The following ROS1 variants were observed in gnomAD, a reference collection of about 807,000 sequenced individuals.
The protein encoded by ROS1 is proto-oncogene tyrosine-protein kinase ROS.
In ROS1, 263 loss-of-function variants were observed where a neutral mutation model predicts 273.5. The ratio of observed to expected loss-of-function variants is 0.96; its 90% CI spans 0.87 to 1.06. ROS1 has a LOEUF of 1.06. Among genes scored for constraint, ROS1 ranks in the 50% least tolerant of loss-of-function variants. ROS1 has a pLI of 0.00. For missense variants in ROS1, 2,833 were observed against 2,751.1 expected (o/e 1.03, Z -0.67); for synonymous variants, 1,008 against 954.1 (o/e 1.06, Z -1.04).
chr6:117,379,309 TTA>T (rs1771923140), intron 17 of ROS1, 150 bp from the exon 18 acceptor site: 2 of 587,942 alleles, frequency 3.4e-6, no homozygotes, highest in African/African-American at 3.7e-5. Flanking sequence ...ACTATAAAAC[TTA>T]TATGATTATG....
At chr6:117,363,466 G>A (rs975128019) in intron 21 of ROS1, among the ~76,000 whole-genome samples, 6 of 152,128 alleles carry the variant, frequency 3.9e-5, no homozygotes, top group African/African-American at 1.4e-4. Context: ...CAAGAGAAAT[G>A]TCTCTGCCTG....
intron 27 of ROS1, among the ~76,000 whole-genome samples, chr6:117,345,638 A>C (rs1198336982): frequency 6.6e-6 from 1 of 152,176 alleles, no homozygotes; most frequent in Non-Finnish European, 1.5e-5. Context: ...ATTAGGGGGT[A>C]AATGTCTAAG....
At chr6:117,335,863 T>TA (rs1191674570) in intron 32 of ROS1, among the ~76,000 whole-genome samples, 1 of 151,584 alleles carries the variant, frequency 6.6e-6, no homozygotes, top group Non-Finnish European at 1.5e-5. Context: ...GGAGGGAACT[T>TA]AGAGGACAGG....
chr6:117,321,096 C>G (rs1270647249), intron 36 of ROS1, 163 bp downstream of exon 36: 2 of 674,488 alleles, frequency 3.0e-6, no homozygotes, highest in South Asian at 7.1e-5. Flanking sequence ...TTCCATCCAT[C>G]CCAGGTCACA....
At position 117,359,898 on chromosome 6, in the gene ROS1, C is replaced by T. The variant is rs749977900; in HGVS notation, c.3544G>A (p.Val1182Ile). 19 of 1,613,850 alleles carry T rather than the reference C, an allele frequency of 1.2e-5. No individual in the cohort carries two copies. The highest frequency in any genetic ancestry group is 4.5e-5 in the East Asian group (2 of 44,862). ...TFSAERVISA[V>I]CYTADNEMGY... ...ATCTCATTATCAGCTGTGTAGCAAA[C>T]GGCACTGATAACTCTTTCTGCTGAA... The change falls in exon 24 of 44, where the codon GTT becomes ATT. Residue 1182 changes from valine to isoleucine, a missense_variant. Val to Ile is a conservative substitution (Grantham distance 29). Transcript: ENST00000368507.
At chr6:117,335,853 G>A (rs1461516935) in intron 32 of ROS1, among the ~76,000 whole-genome samples, 1 of 152,072 alleles carries the variant, frequency 6.6e-6, no homozygotes, top group African/African-American at 2.4e-5. Flanking sequence ...GGAGCTGAGG[G>A]GAGGGAACTT....
At chr6:117,360,740 CA>C (rs1238198073) in intron 22 of ROS1, among the ~76,000 whole-genome samples, 9 of 151,938 alleles carry the variant, frequency 5.9e-5, no homozygotes, top group Admixed American at 1.3e-4. Context: ...GATAATTACA[CA>C]ATGTATACAT....
chr6:117,404,564 C>T lies in ROS1; in HGVS notation c.317-136G>A, dbSNP rs1361180251. 17 of 675,886 alleles carry T rather than the reference C, an allele frequency of 2.5e-5. No homozygotes were observed. The South Asian group carries it at 3.8e-4, about 15-fold the overall frequency. The allele number at this position is 675,886 out of a possible 1,614,324, so 41.9% of individuals were successfully genotyped here. On this transcript the variant is annotated intron_variant, in intron 5 of 43. Coordinates refer to ENST00000368507, the MANE Select transcript of ROS1 (RefSeq NM_001378902.1). ...TGCCACAATAACTCACTTGAATAAT[C>T]AATGGTATGCATATTCAGTTTATTT...
intron 6 of ROS1, among the ~76,000 whole-genome samples, 171 bp downstream of exon 6, chr6:117,404,104 GGGCGC>G (rs1213256376): frequency 6.6e-6 from 1 of 152,148 alleles, no homozygotes; most frequent in African/African-American, 2.4e-5. Context: ...GCGCGATGGC[GGGCGC>G]CTGTGGGCGG....
chr6:117,382,737 T>C (rs554680372), intron 17 of ROS1, among the ~76,000 whole-genome samples: 18 of 152,264 alleles, frequency 1.2e-4, no homozygotes, highest in African/African-American at 4.3e-4. Context: ...TGAGCTTAAC[T>C]ACGGAGCATT....
At chr6:117,399,059 T>C (rs952089711) in intron 7 of ROS1, among the ~76,000 whole-genome samples, 12 of 151,126 alleles carry the variant, frequency 7.9e-5, no homozygotes, top group African/African-American at 2.9e-4. Flanking sequence ...ATTAACACAA[T>C]ACAGATAAGT....
At chr6:117,331,328 A>C (rs772172841) in intron 32 of ROS1, among the ~76,000 whole-genome samples, 1 of 152,240 alleles carries the variant, frequency 6.6e-6, no homozygotes, top group African/African-American at 2.4e-5. Context: ...GCCTCCAAGA[A>C]ATATGAGACT....
chr6:117,423,259 A>T (rs539296136), intron 1 of ROS1, among the ~76,000 whole-genome samples: 28 of 152,266 alleles, frequency 1.8e-4, no homozygotes, highest in African/African-American at 6.3e-4. Context: ...ACCACTAAAG[A>T]ATTTACTCAT....
At chr6:117,293,351 A>G (rs925010070) in intron 43 of ROS1, among the ~76,000 whole-genome samples, 3 of 152,256 alleles carry the variant, frequency 2.0e-5, no homozygotes, top group Non-Finnish European at 4.4e-5. Context: ...TACAGAATCT[A>G]CAGCCCATGA....
chr6:117,388,036 T>C (rs1339517398), intron 13 of ROS1, 44 bp from the exon 14 acceptor site: 1 of 1,611,514 alleles, frequency 6.2e-7, no homozygotes, highest in Admixed American at 1.7e-5. Flanking sequence ...GGATGACATC[T>C]GCAAGGGCAA....
intron 16 of ROS1, among the ~76,000 whole-genome samples, chr6:117,385,448 G>C (rs1200649757): frequency 6.6e-6 from 1 of 152,000 alleles, no homozygotes; most frequent in Non-Finnish European, 1.5e-5. Flanking sequence ...CCAGCTACTC[G>C]GGAGGCAGAG....
chr6:117,412,706 A>C (rs1485622942), intron 4 of ROS1, among the ~76,000 whole-genome samples: 1 of 152,236 alleles, frequency 6.6e-6, no homozygotes, highest in Non-Finnish European at 1.5e-5. Context: ...AAAATAGCAA[A>C]GTATAAAGAG....
At position 117,344,192 on chromosome 6, in the gene ROS1, G is replaced by A. The variant is rs2128626183; in HGVS notation, c.4374C>T (p.Leu1458=). 2 of 1,614,060 alleles carry A rather than the reference G, an allele frequency of 1.2e-6. No individual in the cohort carries two copies. The highest frequency in any genetic ancestry group is 1.6e-4 in the Middle Eastern group (1 of 6,062). ...TCTTGGCCAGAGGTAATCTGATTGT[G>A]AGGCTAGTGTTAGTGGCATTAAGTA... is the stretch of plus-strand genomic sequence containing the variant. ...PTILNATNTS[L]TIRLPLAKTN... Residue 1458 remains leucine (L), a synonymous_variant, in exon 28 of 44, where the codon CTC becomes CTT. Transcript: ENST00000368507.
chr6:117,408,336 G>A (rs1430984182), intron 5 of ROS1, among the ~76,000 whole-genome samples: 1 of 152,050 alleles, frequency 6.6e-6, no homozygotes, highest in African/African-American at 2.4e-5. Context: ...CTAATATCCA[G>A]AATCTACAAC....
Sources: gnomAD v4.1 joint callset for allele counts (sites outside exome capture counted in the v4.1 genomes callset) on GRCh38, gnomAD v4.1.1 for gene constraint, MANE v1.5 for transcripts, NCBI Gene and HGNC (gene_info 2026-07-23, HGNC 2026-07-21) for gene names.